The following SEPTIN9 variants were observed in gnomAD, a reference collection of about 807,000 sequenced individuals.
The protein encoded by SEPTIN9 is septin-9.
A neutral mutation model predicts 56.6 loss-of-function variants in SEPTIN9; 13 were observed. The ratio of observed to expected loss-of-function variants is 0.23; its 90% CI spans 0.15 to 0.37. The LOEUF is 0.37. SEPTIN9 is among the 10% of genes least tolerant of loss of function. The probability of loss-of-function intolerance (pLI) is 1.00; values close to 1 mark genes in which losing one functional copy is unlikely to be tolerated. For missense variants in SEPTIN9, 650 were observed against 823.1 expected (o/e 0.79, Z 2.57); for synonymous variants, 332 against 334.1 (o/e 0.99, Z 0.07).
In SEPTIN9 at chr17:77,498,725, C is replaced by T; in HGVS notation, c.*67C>T. Reference sequence around the variant, plus strand: ...TTCCGTCCCCCCCCAGGCCCTCCCACCACCCCATTTTATTTTATATGATTT... The same window carrying T: ...TTCCGTCCCCCCCCAGGCCCTCCCATCACCCCATTTTATTTTATATGATTT... On this transcript the variant is annotated 3_prime_UTR_variant, in exon 12 of 12. Transcript: ENST00000427177. 2.2e-6 allele frequency: 2 copies of T among 924,386 alleles called. No individual in the cohort carries two copies. The highest frequency in any genetic ancestry group is 3.4e-6 in the Non-Finnish European group (2 of 587,086). The allele number at this position is 924,386 out of a possible 1,614,324, so 57.3% of individuals were successfully genotyped here.
In SEPTIN9 at chr17:77,421,587, A is replaced by G. The variant is rs1036512384; in HGVS notation, c.721+18884A>G. 1.3e-5 allele frequency among the ~76,000 whole-genome samples: 2 copies of G among 152,172 alleles called. No individual in the cohort carries two copies. Among genetic ancestry groups the G allele is most frequent in the Non-Finnish European group, 2.9e-5 (2 of 68,024 alleles). On this transcript the variant is annotated intron_variant, in intron 3 of 11. Transcript: ENST00000427177. This position sits in a 1 kb window ranked among gnomAD's most constrained non-coding sequence, Gnocchi z 4.6. The stretch of plus-strand genomic sequence containing the variant: ...GGGAGAAGGTATCCACATGTCCCAG[A>G]ATGCACCCTCTGCGTGTACAGGGAT...
chr17:77,383,845 G>A (rs1037568218), intron 2 of SEPTIN9, among the ~76,000 whole-genome samples: 4 of 152,248 alleles, frequency 2.6e-5, no homozygotes, highest in Non-Finnish European at 4.4e-5. Flanking sequence ...TTGCCCACAC[G>A]GCAATGTGGG....
At chr17:77,355,027 C>T (rs1440739880) in intron 2 of SEPTIN9, among the ~76,000 whole-genome samples, 1 of 152,158 alleles carries the variant, frequency 6.6e-6, no homozygotes, top group African/African-American at 2.4e-5. Context: ...TTCTTCCCAT[C>T]ACGTCAGGGC....
intron 3 of SEPTIN9, among the ~76,000 whole-genome samples, chr17:77,409,318 G>C (rs1466551053): frequency 1.3e-5 from 2 of 152,140 alleles, no homozygotes; most frequent in African/African-American, 2.4e-5. Flanking sequence ...GGCCAGGCCC[G>C]GTGTGTCTCC....
intron 2 of SEPTIN9, chr17:77,373,510 G>A: frequency 6.5e-7 from 1 of 1,541,054 alleles, no homozygotes; most frequent in Non-Finnish European, 8.8e-7. Context: ...GTCGGACCCC[G>A]CGGTCAACGC....
At position 77,482,230 on chromosome 17, in the gene SEPTIN9, G is replaced by A. The variant is rs989826000; in HGVS notation, c.808G>A (p.Glu270Lys). 6 of 1,612,954 alleles carry A rather than the reference G, an allele frequency of 3.7e-6. No individual in the cohort carries two copies. In the South Asian group the frequency reaches 4.4e-5, roughly 12 times the overall value. The change falls in exon 4 of 12, where the codon GAG becomes AAG. Residue 270 changes from glutamate to lysine, a missense_variant. Around this residue, in one of 2 missense-constraint regions of SEPTIN9, gnomAD observed 333 missense variants for 494.0 expected, o/e 0.67. Coordinates refer to ENST00000427177, the MANE Select transcript of SEPTIN9 (RefSeq NM_001113491.2). ...GLKQAPASRN[E>K]KAPVDFGYVG... Reference sequence around the variant, plus strand: ...CAAGCAGGCGCCTGCATCACGGAACGAGAAGGCCCCGGTGGACTTCGGCTA... The same window carrying A: ...CAAGCAGGCGCCTGCATCACGGAACAAGAAGGCCCCGGTGGACTTCGGCTA...
At position 77,450,282 on chromosome 17, in the gene SEPTIN9, C is replaced by T. The variant is rs1444339503; in HGVS notation, c.722-31862C>T. Among the ~76,000 whole-genome samples, 3 of 152,120 alleles carry T rather than the reference C, an allele frequency of 2.0e-5. No individual in the cohort carries two copies. The highest frequency in any genetic ancestry group is 2.1e-4 in the South Asian group (1 of 4,820). ...CCGGGGCTTCAGTCACCCCCAGCCA[C>T]GTGTGGGGGTGCGGGATGGGAAAGG... On this transcript the variant is annotated intron_variant, in intron 3 of 11. Coordinates refer to ENST00000427177, the MANE Select transcript of SEPTIN9 (RefSeq NM_001113491.2). The surrounding 1 kb of genome is among the most constrained non-coding windows in gnomAD (Gnocchi z 6.0).
chr17:77,305,303 G>A (rs1899992209), intron 1 of SEPTIN9, among the ~76,000 whole-genome samples: 1 of 152,294 alleles, frequency 6.6e-6, no homozygotes, highest in South Asian at 2.1e-4. Context: ...GCCCAGCCCT[G>A]GGCCTCGCTT....
At chr17:77,485,073 T>A (rs1224488758) in intron 4 of SEPTIN9, among the ~76,000 whole-genome samples, 7 of 11,534 alleles carry the variant, frequency 6.1e-4, no homozygotes, top group Non-Finnish European at 1.4e-3. Context: ...GTAATGGTGA[T>A]GGTGGTAAAG....
At chr17:77,481,555 C>T (rs1160120527) in intron 3 of SEPTIN9, among the ~76,000 whole-genome samples, 1 of 152,094 alleles carries the variant, frequency 6.6e-6, no homozygotes, top group African/African-American at 2.4e-5. Flanking sequence ...CCCTTTCTTA[C>T]AAGACCATCC....
chr17:77,428,592 G>A (rs1431458816), intron 3 of SEPTIN9, among the ~76,000 whole-genome samples: 1 of 152,234 alleles, frequency 6.6e-6, no homozygotes, highest in African/African-American at 2.4e-5. Context: ...ATTTGAAGTA[G>A]GCTGTGCGGC....
rs1008182292 is a variant in SEPTIN9, at chr17:77,435,935, C to G, written c.721+33232C>G. On this transcript the variant is annotated intron_variant, in intron 3 of 11. Coordinates refer to ENST00000427177, the MANE Select transcript of SEPTIN9 (RefSeq NM_001113491.2). This position sits in a 1 kb window ranked among gnomAD's most constrained non-coding sequence, Gnocchi z 4.5. ...CATTCCTCCACCTGGAAAAACCTTA[C>G]ACCGTTTAGGGCTTGAGGCAGGGCT... Among the ~76,000 whole-genome samples the G allele has an allele frequency of 6.6e-6, 1 of 152,254 alleles. No homozygotes were observed.
chr17:77,387,444 C>T (rs2035376198), intron 2 of SEPTIN9, among the ~76,000 whole-genome samples: 1 of 152,222 alleles, frequency 6.6e-6, no homozygotes, highest in Non-Finnish European at 1.5e-5. Flanking sequence ...GTCACATTCA[C>T]AGGTCCGAGG....
chr17:77,469,214 T>A (rs1345417053), intron 3 of SEPTIN9: 1 of 152,624 alleles, frequency 6.6e-6, no homozygotes, highest in East Asian at 1.9e-4. Flanking sequence ...TGAAGTCAGC[T>A]AGGGAGAGGG....
chr17:77,315,715 G>A (rs1004159605), intron 2 of SEPTIN9, among the ~76,000 whole-genome samples: 1 of 152,222 alleles, frequency 6.6e-6, no homozygotes, highest in Non-Finnish European at 1.5e-5. Context: ...TGGAGACAAA[G>A]TGGCCTTCGC....
chr17:77,352,868 G>A (rs2034109053), intron 2 of SEPTIN9, among the ~76,000 whole-genome samples: 1 of 152,072 alleles, frequency 6.6e-6, no homozygotes, highest in African/African-American at 2.4e-5. Flanking sequence ...GCCCAGGCTG[G>A]TCTCAAACTC....
At position 77,450,205 on chromosome 17, in the gene SEPTIN9, G is replaced by T. The variant is rs1010835659; in HGVS notation, c.722-31939G>T. Among the ~76,000 whole-genome samples the T allele has an allele frequency of 6.6e-6, 1 of 152,174 alleles. No individual in the cohort carries two copies. The highest frequency in any genetic ancestry group is 1.5e-5 in the Non-Finnish European group (1 of 68,030). On this transcript the variant is annotated intron_variant, in intron 3 of 11. Transcript: ENST00000427177. The surrounding 1 kb of genome is among the most constrained non-coding windows in gnomAD (Gnocchi z 6.0). ...ACGGGTCAGATGCCAGTGACTGCTGGCTGGGGAGCCGCTGGACGTGGCTGG... is the reference window on the plus strand; with the variant it reads ...ACGGGTCAGATGCCAGTGACTGCTGTCTGGGGAGCCGCTGGACGTGGCTGG...
At chr17:77,404,062 C>T (rs996242472) in intron 3 of SEPTIN9, among the ~76,000 whole-genome samples, 1 of 152,172 alleles carries the variant, frequency 6.6e-6, no homozygotes, top group African/African-American at 2.4e-5. Flanking sequence ...TGGCTCATTT[C>T]ACTCAGCATG....
In SEPTIN9 at chr17:77,475,789, G is replaced by A; in HGVS notation, c.722-6355G>A. The A allele has an allele frequency of 6.2e-7, 1 of 1,613,374 alleles. No individual in the cohort carries two copies. Among genetic ancestry groups the A allele is most frequent in the Admixed American group, 1.7e-5 (1 of 60,034 alleles). ...CGGGCCTGGAAGGCTGACAGGGTGT[G>A]GTGAGTGCCACCGGCTCCCCTGCCG... is the stretch of plus-strand genomic sequence containing the variant. On this transcript the variant is annotated intron_variant, in intron 3 of 11. Transcript: ENST00000427177. The surrounding 1 kb of genome is among the most constrained non-coding windows in gnomAD (Gnocchi z 4.6).
Sources: allele counts gnomAD v4.1 joint callset (sites outside exome capture counted in the v4.1 genomes callset), GRCh38; gene constraint gnomAD v4.1.1; regional missense constraint gnomAD v4.1.1; non-coding constraint Gnocchi (gnomAD v3.1); transcripts MANE v1.5; gene names NCBI Gene and HGNC (gene_info 2026-07-23, HGNC 2026-07-21).